The following RBL1 variants were observed in gnomAD, a reference collection of about 807,000 sequenced individuals.
RBL1 encodes the protein RB transcriptional corepressor like 1.
RBL1 carries 82 observed loss-of-function variants against 123.0 expected under a neutral mutation model. That is an observed-to-expected ratio of 0.67 (90% CI 0.56 to 0.80). The LOEUF is 0.80. Among genes scored for constraint, RBL1 ranks in the 30% least tolerant of loss-of-function variants. The probability of loss-of-function intolerance (pLI) is 0.00; values close to 1 mark genes in which losing one functional copy is unlikely to be tolerated. For synonymous variants in RBL1, 405 were observed against 441.3 expected, an observed-to-expected ratio of 0.92 and a Z score of 1.03; for missense variants, 1,171 against 1,299.6, an observed-to-expected ratio of 0.90 and a Z score of 1.52.
At chr20:37,067,360 T>G (rs981652365) in intron 3 of RBL1, 63 bp from the exon 4 acceptor site, 2 of 1,208,680 alleles carry the variant, frequency 1.7e-6, no homozygotes, top group Non-Finnish European at 2.4e-6. Flanking sequence ...TAAACTGAAA[T>G]AGTAAATGTA....
chr20:37,057,886 G>A (rs997922580), intron 9 of RBL1, among the ~76,000 whole-genome samples: 5 of 152,060 alleles, frequency 3.3e-5, no homozygotes, highest in African/African-American at 1.2e-4. Context: ...AGCACTTTGG[G>A]AGGCCAGGGT....
At chr20:37,040,472 C>T (rs550885080) in intron 13 of RBL1, among the ~76,000 whole-genome samples, 187 bp from the exon 14 acceptor site, 1 of 152,132 alleles carries the variant, frequency 6.6e-6, no homozygotes, top group Non-Finnish European at 1.5e-5. Flanking sequence ...CCTTCCTCAG[C>T]CTCCTGAGTA....
At chr20:37,018,816 T>A (rs955075123) in intron 18 of RBL1, among the ~76,000 whole-genome samples, 1 of 148,756 alleles carries the variant, frequency 6.7e-6, no homozygotes, top group African/African-American at 2.5e-5. Context: ...CTGGGTGTGG[T>A]AGCGCACAGT....
intron 16 of RBL1, among the ~76,000 whole-genome samples, chr20:37,029,013 G>C (rs947034407): frequency 1.3e-5 from 2 of 152,100 alleles, no homozygotes; most frequent in Non-Finnish European, 2.9e-5. Flanking sequence ...CCATGACCAA[G>C]TAGAACTTAT....
chr20:37,055,701 T>C, intron 10 of RBL1, 45 bp from the exon 11 acceptor site: 1 of 1,543,806 alleles, frequency 6.5e-7, no homozygotes, highest in South Asian at 1.3e-5. Context: ...GAATTTTAGT[T>C]GTTAAGGACT....
intron 6 of RBL1, among the ~76,000 whole-genome samples, chr20:37,066,267 G>C (rs1355195556): frequency 6.6e-6 from 1 of 152,154 alleles, no homozygotes; most frequent in Non-Finnish European, 1.5e-5. Flanking sequence ...CACACAGATA[G>C]CCTACAAGTG....
Position 36,998,066 on chromosome 20 carries a change from TATCTC to T in RBL1, c.*688_*692del, listed in dbSNP as rs1374131987. On this transcript the variant is annotated 3_prime_UTR_variant, in exon 22 of 22. Coordinates refer to ENST00000373664, the MANE Select transcript of RBL1 (RefSeq NM_002895.5). ...TTCAATATTAAATTAAGAATACAAATATCTCAAAGCATGCTATCAAAAGTAGATTA... is the reference window on the plus strand; with the variant it reads ...TTCAATATTAAATTAAGAATACAAATAAAGCATGCTATCAAAAGTAGATTA... 6 of 152,024 alleles carry T rather than the reference TATCTC, an allele frequency of 3.9e-5. No homozygotes were observed. The highest frequency in any genetic ancestry group is 6.6e-5 in the Admixed American group (1 of 15,236). 9.4% of individuals were successfully genotyped at this position (152,024 alleles called of 1,614,324 possible).
intron 20 of RBL1, among the ~76,000 whole-genome samples, chr20:37,005,880 T>A (rs2064062234): frequency 7.4e-6 from 1 of 134,938 alleles, no homozygotes; most frequent in Admixed American, 7.3e-5. Flanking sequence ...TTCTTTTCTT[T>A]TTTTTTTTTC....
intron 12 of RBL1, among the ~76,000 whole-genome samples, chr20:37,045,124 T>A (rs1037796496): frequency 1.6e-5 from 2 of 123,884 alleles, no homozygotes; most frequent in Non-Finnish European, 3.6e-5. Context: ...TTATTTATTT[T>A]GAGACGGAGT....
intron 2 of RBL1, among the ~76,000 whole-genome samples, chr20:37,075,979 T>G (rs1306523666): frequency 6.6e-6 from 1 of 152,232 alleles, no homozygotes; most frequent in East Asian, 1.9e-4. Flanking sequence ...TACTAAAGCA[T>G]GTATAATGAA....
chr20:37,085,324 C>T (rs1448511617), intron 2 of RBL1, among the ~76,000 whole-genome samples: 4 of 150,684 alleles, frequency 2.7e-5, no homozygotes, highest in East Asian at 2.0e-4. Context: ...TTAGTAAAGA[C>T]GGTGTTTCAT....
chr20:37,050,476 C>T (rs970232742), intron 11 of RBL1, among the ~76,000 whole-genome samples: 3 of 123,270 alleles, frequency 2.4e-5, no homozygotes, highest in Admixed American at 1.1e-4. Context: ...ACCTGGGAGG[C>T]GGAGCTTGCA....
Position 37,061,402 on chromosome 20 carries a change from T to C in RBL1, c.1084-133A>G, listed in dbSNP as rs2065092928. On this transcript the variant is annotated intron_variant, in intron 8 of 21. Transcript: ENST00000373664. ...GAAATTTTTAGCAATACTATGCTAA[T>C]AACATCCTTATATTTGAATAACACT... 9.6e-6 allele frequency: 12 copies of C among 1,243,898 alleles called. 1 individual carries two copies. Among genetic ancestry groups the C allele is most frequent in the Middle Eastern group, 3.0e-4 (1 of 3,348 alleles). The allele number at this position is 1,243,898 out of a possible 1,614,324, so 77.1% of individuals were successfully genotyped here.
intron 19 of RBL1, among the ~76,000 whole-genome samples, chr20:37,014,764 A>G (rs888837097): frequency 2.7e-5 from 4 of 150,054 alleles, no homozygotes; most frequent in African/African-American, 4.9e-5. Flanking sequence ...ACATGGTCTC[A>G]AAACAAACAA....
chr20:37,066,777 C>T lies in RBL1; in HGVS notation c.793G>A (p.Gly265Arg). The change falls in exon 6 of 22, where the codon GGA (glycine) becomes AGA (arginine). Residue 265 changes from glycine to arginine, a missense_variant. Gly to Arg is a moderately radical substitution (Grantham distance 125). Transcript: ENST00000373664. ...LHDGLLVEAK[G>R]IKEHYFKPYI... Reference sequence around the variant, plus strand: ...GGCTTAAAGTAGTGCTCCTTTATTCCTTTTGCTTCTACGAGAAGTCCATCA... The same window carrying T: ...GGCTTAAAGTAGTGCTCCTTTATTCTTTTTGCTTCTACGAGAAGTCCATCA... 3.1e-6 allele frequency: 5 copies of T among 1,613,678 alleles called. No individual in the cohort carries two copies. The highest frequency in any genetic ancestry group is 4.2e-6 in the Non-Finnish European group (5 of 1,179,736).
rs1476391821 is a variant in RBL1 at position 37,062,023 on chromosome 20, T to C, written c.1083+61A>G. ...ACTTGAAAGATGCTTCTGCTGTTAG[T>C]AGAATCACACACAGAGAGAAAAAGA... On this transcript the variant is annotated intron_variant, in intron 8 of 21. Transcript: ENST00000373664. 1.9e-5 allele frequency: 28 copies of C among 1,444,138 alleles called. No homozygotes were observed. The South Asian group carries it at 3.9e-4, about 20-fold the overall frequency. 89.5% of individuals were successfully genotyped at this position (1,444,138 alleles called of 1,614,324 possible). A position where few individuals can be genotyped will look rare whatever the true frequency, so the allele number is the denominator to read the frequency against.
At chr20:37,012,607 G>A (rs1156369933) in intron 19 of RBL1, among the ~76,000 whole-genome samples, 2 of 146,024 alleles carry the variant, frequency 1.4e-5, no homozygotes, top group Middle Eastern at 3.2e-3. Flanking sequence ...CGTCTGAGAA[G>A]TGAGGAGCCC....
At chr20:37,035,560 T>G in intron 14 of RBL1, 52 bp from the exon 15 acceptor site, 1 of 1,402,916 alleles carries the variant, frequency 7.1e-7, no homozygotes, top group Non-Finnish European at 9.5e-7. Context: ...AATAATAAAT[T>G]AGGTTTACTC....
At chr20:37,087,062 C>A (rs1180741623) in intron 2 of RBL1, among the ~76,000 whole-genome samples, 4 of 152,198 alleles carry the variant, frequency 2.6e-5, no homozygotes, top group African/African-American at 9.7e-5. Flanking sequence ...TGAGGGTGGG[C>A]ACAGTGGCTC....
Sources: gnomAD v4.1 joint callset for allele counts (sites outside exome capture counted in the v4.1 genomes callset) on GRCh38, gnomAD v4.1.1 for gene constraint, MANE v1.5 for transcripts, NCBI Gene and HGNC (gene_info 2026-07-23, HGNC 2026-07-21) for gene names.